AGBL1: variants seen among roughly 807,000 people sequenced by gnomAD.
AGBL1 encodes the protein cytosolic carboxypeptidase 4.
Under a neutral mutation model 118.9 loss-of-function variants are expected in AGBL1, and 130 were observed. The ratio of observed to expected loss-of-function variants is 1.09; its 90% CI spans 0.95 to 1.26. The LOEUF is 1.26. AGBL1 is among the 50% of genes most tolerant of loss of function. The probability of loss-of-function intolerance (pLI) is 0.00; values close to 1 mark genes in which losing one functional copy is unlikely to be tolerated. For missense variants in AGBL1, 1,584 were observed against 1,298.1 expected (o/e 1.22, Z -3.38); for synonymous variants, 555 against 478.9 (o/e 1.16, Z -2.08).
intron 17 of AGBL1, among the ~76,000 whole-genome samples, chr15:86,308,125 A>G (rs74027503): frequency 0.023 from 3,484 of 152,340 alleles, 129 homozygotes; most frequent in African/African-American, 0.075. Flanking sequence ...TATTTTAAAG[A>G]TTAAACTATG....
intron 18 of AGBL1, among the ~76,000 whole-genome samples, chr15:86,493,454 T>A (rs551255161): frequency 5.7e-4 from 87 of 151,936 alleles, no homozygotes; most frequent in African/African-American, 2.0e-3. Flanking sequence ...ACTGGTAAAA[T>A]GTGAAAGATG....
chr15:86,520,047 C>T lies in AGBL1; in HGVS notation c.2556-2763C>T, dbSNP rs564205967. Among the ~76,000 whole-genome samples, 35 of 152,294 alleles carry T rather than the reference C, an allele frequency of 2.3e-4. No homozygotes were observed. In the South Asian group the frequency reaches 7.3e-3, roughly 32 times the overall value. On this transcript the variant is annotated intron_variant, in intron 18 of 22. Coordinates refer to ENST00000614907, the MANE Select transcript of AGBL1 (RefSeq NM_001386094.1). ...ACTGTTACTTAAAAATGACCACAGC[C>T]TCTTGCCTGGAGTTCTTAGTCAAGA...
intron 22 of AGBL1, among the ~76,000 whole-genome samples, chr15:86,677,601 CA>C (rs2085871753): frequency 6.6e-6 from 1 of 152,126 alleles, no homozygotes; most frequent in South Asian, 2.1e-4. Flanking sequence ...CCGAGCCCCC[CA>C]CCTCCATTTG....
intron 5 of AGBL1, among the ~76,000 whole-genome samples, chr15:86,196,425 G>A (rs2077803474): frequency 6.6e-6 from 1 of 152,104 alleles, no homozygotes; most frequent in South Asian, 2.1e-4. Flanking sequence ...GAGCCCTTAG[G>A]TGTGAAGAAA....
At chr15:86,422,907 T>C (rs2081811810) in intron 18 of AGBL1, among the ~76,000 whole-genome samples, 1 of 152,160 alleles carries the variant, frequency 6.6e-6, no homozygotes, top group Admixed American at 6.5e-5. Context: ...AGAAGTCGAA[T>C]AGACTAATAA....
At chr15:87,029,462 C>T (rs566897801), downstream of AGBL1, among the ~76,000 whole-genome samples, 5 of 150,664 alleles carry the variant, frequency 3.3e-5, no homozygotes, top group Admixed American at 3.3e-4. Flanking sequence ...TTTCTTAGAT[C>T]CTCTTTCAAA....
chr15:86,671,119 G>A (rs1028490290), intron 21 of AGBL1, among the ~76,000 whole-genome samples: 5 of 152,164 alleles, frequency 3.3e-5, no homozygotes, highest in Admixed American at 1.3e-4. Context: ...CCAGCGCATA[G>A]TAAAGCTGGA....
intron 18 of AGBL1, among the ~76,000 whole-genome samples, chr15:86,469,515 C>T (rs775814640): frequency 2.0e-5 from 3 of 152,050 alleles, no homozygotes; most frequent in African/African-American, 7.2e-5. Context: ...TGTATCCTGG[C>T]TATTGTGAGT....
At chr15:86,313,198 G>A (rs2079945979) in intron 17 of AGBL1, among the ~76,000 whole-genome samples, 1 of 152,132 alleles carries the variant, frequency 6.6e-6, no homozygotes, top group African/African-American at 2.4e-5. Context: ...TATTTTGCAG[G>A]ACTTATTTCT....
chr15:86,872,429 G>T (rs530357690), intron 22 of AGBL1, among the ~76,000 whole-genome samples: 1 of 152,096 alleles, frequency 6.6e-6, no homozygotes, highest in African/African-American at 2.4e-5. Flanking sequence ...TTGCAAACCC[G>T]CTTACTATTA....
chr15:86,775,387 T>C (rs545469889), intron 22 of AGBL1, among the ~76,000 whole-genome samples: 1 of 152,242 alleles, frequency 6.6e-6, no homozygotes, highest in African/African-American at 2.4e-5. Context: ...ACACTTCTCT[T>C]GATGAAATAG....
chr15:86,199,714 C>T (rs2077873084), intron 5 of AGBL1, among the ~76,000 whole-genome samples: 1 of 152,168 alleles, frequency 6.6e-6, no homozygotes, highest in Non-Finnish European at 1.5e-5. Flanking sequence ...ACTAATGAAT[C>T]AACAGGCAGG....
chr15:86,603,110 A>G (rs2084521616), intron 21 of AGBL1, among the ~76,000 whole-genome samples: 1 of 152,178 alleles, frequency 6.6e-6, no homozygotes, highest in Non-Finnish European at 1.5e-5. Context: ...AATTTCTGGC[A>G]TCTCTCAGCC....
chr15:86,398,202 A>G (rs1596066067), intron 18 of AGBL1, among the ~76,000 whole-genome samples: 1 of 152,288 alleles, frequency 6.6e-6, no homozygotes, highest in East Asian at 1.9e-4. Context: ...GATGGGAAAG[A>G]TGGCTCCTGT....
chr15:86,395,342 C>G (rs1026970583), intron 17 of AGBL1, among the ~76,000 whole-genome samples: 2 of 152,028 alleles, frequency 1.3e-5, no homozygotes, highest in African/African-American at 2.4e-5. Flanking sequence ...GAAGACCCTC[C>G]TCACCGTCTC....
intron 22 of AGBL1, among the ~76,000 whole-genome samples, chr15:86,750,040 G>C (rs531791020): frequency 8.5e-5 from 13 of 152,178 alleles, no homozygotes; most frequent in Non-Finnish European, 1.9e-4. Flanking sequence ...GAGTTAGGGA[G>C]GATTCCCTCT....
intron 21 of AGBL1, among the ~76,000 whole-genome samples, chr15:86,561,340 T>A (rs558448958): frequency 6.6e-6 from 1 of 152,292 alleles, no homozygotes; most frequent in East Asian, 1.9e-4. Context: ...TTATATAAGG[T>A]GTAAGGAAGG....
At chr15:86,593,904 T>G (rs889135561) in intron 21 of AGBL1, among the ~76,000 whole-genome samples, 3 of 152,164 alleles carry the variant, frequency 2.0e-5, no homozygotes, top group African/African-American at 7.2e-5. Flanking sequence ...ATTCTTTATC[T>G]TGTGTGACAC....
intron 24 of AGBL1, among the ~76,000 whole-genome samples, chr15:86,994,817 T>G (rs899090619): frequency 1.3e-5 from 2 of 152,206 alleles, no homozygotes; most frequent in Non-Finnish European, 2.9e-5. Context: ...GAACATAAAG[T>G]ATATGTAAGA....
Sources: gnomAD v4.1 joint callset for allele counts (sites outside exome capture counted in the v4.1 genomes callset) on GRCh38, gnomAD v4.1.1 for gene constraint, MANE v1.5 for transcripts, NCBI Gene and HGNC (gene_info 2026-07-23, HGNC 2026-07-21) for gene names.